Variants in GATAD1 observed in about 807,000 individuals in gnomAD.
GATAD1 encodes the protein GATA zinc finger domain containing 1, also known as GATA zinc finger domain-containing protein 1.
A neutral mutation model predicts 26.5 loss-of-function variants in GATAD1; 12 were observed. That is an observed-to-expected ratio of 0.45 (90% CI 0.29 to 0.73). The LOEUF is 0.73. Among genes scored for constraint, GATAD1 ranks in the 30% least tolerant of loss-of-function variants. GATAD1 has a pLI of 0.10. For missense variants in GATAD1, 266 were observed against 342.1 expected (o/e 0.78, Z 1.75); for synonymous variants, 129 against 133.1 (o/e 0.97, Z 0.21).
chr7:92,455,090 CAT>C (rs1291533520), intron 4 of GATAD1, among the ~76,000 whole-genome samples: 2 of 149,954 alleles, frequency 1.3e-5, no homozygotes, highest in African/African-American at 2.5e-5. Flanking sequence ...AGGGCTTCAA[CAT>C]ATAAATTTGG....
At chr7:92,475,339 T>C in the GATAD1 span, 2 of 151,748 alleles carry the variant, frequency 1.3e-5, no homozygotes, top group African/African-American at 4.8e-5. Context: ...CCAGCAACCC[T>C]AGTCATTTTC....
At chr7:92,461,604 A>T (rs1789924455), downstream of GATAD1, among the ~76,000 whole-genome samples, 1 of 152,232 alleles carries the variant, frequency 6.6e-6, no homozygotes, top group Non-Finnish European at 1.5e-5. Flanking sequence ...ACATTTTTTA[A>T]ATCAAAAAGT....
At chr7:92,471,869 G>A in the GATAD1 span, 1 of 152,308 alleles carries the variant, frequency 6.6e-6, no homozygotes, top group East Asian at 1.9e-4. Flanking sequence ...CATATTTAGA[G>A]TCTGTATATA....
At chr7:92,486,162 C>T in the GATAD1 span, among the ~76,000 whole-genome samples, 2 of 152,342 alleles carry the variant, frequency 1.3e-5, no homozygotes, top group Admixed American at 1.3e-4. Context: ...TGACAGCCTA[C>T]TTGTCAGCAG....
intron 3 of GATAD1, among the ~76,000 whole-genome samples, chr7:92,451,189 G>A (rs1789414709): frequency 6.6e-6 from 1 of 152,160 alleles, no homozygotes; most frequent in South Asian, 2.1e-4. Context: ...ATGCCTTTAA[G>A]TGGAGTTGAG....
In GATAD1 at chr7:92,456,732, T is replaced by C; in HGVS notation, c.*170T>C. ...CTAATATTCTTAGTACCACAAGATA[T>C]GTCATAGGTATCTTTAAATGAAATT... On this transcript the variant is annotated 3_prime_UTR_variant, in exon 5 of 5. Transcript: ENST00000287957. 4.0e-6 allele frequency: 2 copies of C among 498,408 alleles called. No individual in the cohort carries two copies. Among genetic ancestry groups the C allele is most frequent in the South Asian group, 3.9e-5 (1 of 25,960 alleles). The allele number at this position is 498,408 out of a possible 1,614,324, so 30.9% of individuals were successfully genotyped here.
Position 92,458,482 on chromosome 7 carries a change from C to G in GATAD1, c.*1920C>G, listed in dbSNP as rs1370736040. On this transcript the variant is annotated 3_prime_UTR_variant, in exon 5 of 5. Transcript: ENST00000287957. ...AGAGGCCTGTTGTATATGAAATTGTCTAGAATTCAGGTGCAGGTCTTTGCC... is the reference window on the plus strand; with the variant it reads ...AGAGGCCTGTTGTATATGAAATTGTGTAGAATTCAGGTGCAGGTCTTTGCC... 6.6e-6 allele frequency: 1 copy of G among 152,162 alleles called. No individual in the cohort carries two copies. The highest frequency in any genetic ancestry group is 1.5e-5 in the Non-Finnish European group (1 of 68,032). 9.4% of individuals were successfully genotyped at this position (152,162 alleles called of 1,614,324 possible). A position where few individuals can be genotyped will look rare whatever the true frequency, so the allele number is the denominator to read the frequency against.
chr7:92,450,902 T>G lies in GATAD1; in HGVS notation c.435+142T>G, dbSNP rs1036222691. The G allele has an allele frequency of 6.1e-5, 35 of 576,270 alleles. No homozygotes were observed. In the African/African-American group the frequency reaches 6.7e-4, roughly 11 times the overall value. 35.7% of individuals were successfully genotyped at this position (576,270 alleles called of 1,614,324 possible). On this transcript the variant is annotated intron_variant, in intron 3 of 4. Coordinates refer to ENST00000287957, the MANE Select transcript of GATAD1 (RefSeq NM_021167.5). ...ACTTTTTGTTCCCTTCTTAGCTGTT[T>G]TCCCCCATAAGTGGCTGTTATTAAA...
At chr7:92,449,783 G>A (rs1006570735) in intron 2 of GATAD1, 2 of 182,512 alleles carry the variant, frequency 1.1e-5, no homozygotes, top group Non-Finnish European at 2.1e-5. Flanking sequence ...TGCCATGGTG[G>A]TTTGCTGCAC....
intron 2 of GATAD1, chr7:92,449,141 T>A: frequency 8.7e-7 from 1 of 1,147,170 alleles, no homozygotes; most frequent in Non-Finnish European, 1.1e-6. Context: ...AAAAGAAACA[T>A]CAACCTTGAG....
Position 92,458,846 on chromosome 7 carries a change from G to T in GATAD1, c.*2284G>T, listed in dbSNP as rs1449920522. 1 of 152,140 alleles carries T rather than the reference G, an allele frequency of 6.6e-6. No homozygotes were observed. The highest frequency in any genetic ancestry group is 2.4e-5 in the African/African-American group (1 of 41,418). 9.4% of individuals were successfully genotyped at this position (152,140 alleles called of 1,614,324 possible). ...TATTTTTCACCGTGCATTTACTTTG[G>T]ATGTATTTATTTCATTTAAACAATT... On this transcript the variant is annotated 3_prime_UTR_variant, in exon 5 of 5. Coordinates refer to ENST00000287957, the MANE Select transcript of GATAD1 (RefSeq NM_021167.5).
chr7:92,489,666 A>C, the GATAD1 span: 1 of 1,541,848 alleles, frequency 6.5e-7, no homozygotes, highest in Non-Finnish European at 9.0e-7. Context: ...AGGGTGAAAC[A>C]ATTTTTAAGA....
the GATAD1 span, among the ~76,000 whole-genome samples, chr7:92,482,367 G>T: frequency 6.6e-6 from 1 of 152,202 alleles, no homozygotes; most frequent in Non-Finnish European, 1.5e-5. Context: ...AAACAATTTG[G>T]TTGATAAGGT....
At chr7:92,462,327 G>A (rs1789948133), downstream of GATAD1, among the ~76,000 whole-genome samples, 1 of 150,762 alleles carries the variant, frequency 6.6e-6, no homozygotes, top group East Asian at 1.9e-4. Flanking sequence ...AAAATGTTTA[G>A]TGTAAAACCT....
At chr7:92,485,264 G>A in the GATAD1 span, among the ~76,000 whole-genome samples, 5 of 152,316 alleles carry the variant, frequency 3.3e-5, no homozygotes, top group South Asian at 1.0e-3. Context: ...CTTGGGCTCA[G>A]AGGCCTGACA....
chr7:92,465,985 C>A, the GATAD1 span, among the ~76,000 whole-genome samples: 2 of 152,104 alleles, frequency 1.3e-5, no homozygotes, highest in African/African-American at 4.8e-5. Flanking sequence ...TCTGGGCCGA[C>A]AGAGTGAGAC....
the GATAD1 span, chr7:92,471,390 C>G: frequency 6.6e-6 from 1 of 152,626 alleles, no homozygotes; most frequent in Admixed American, 6.5e-5. Flanking sequence ...AATGATTTGG[C>G]CATCTGATGG....
At chr7:92,448,952 A>T in intron 2 of GATAD1, 75 bp downstream of exon 2, 1 of 1,449,436 alleles carries the variant, frequency 6.9e-7, no homozygotes, top group East Asian at 2.3e-5. Flanking sequence ...ATTTCTCACC[A>T]TTGAACTTGG....
chr7:92,454,512 A>T lies in GATAD1; in HGVS notation c.446A>T (p.Tyr149Phe). Residue 149 changes from tyrosine to phenylalanine, a missense_variant, in exon 4 of 5, where the codon TAC becomes TTC. Physicochemically the swap from Tyr to Phe is conservative, Grantham distance 22 (BLOSUM62 3). Coordinates refer to ENST00000287957, the MANE Select transcript of GATAD1 (RefSeq NM_021167.5). The stretch of plus-strand genomic sequence containing the variant: ...TTCTGTTTCCCCCAGGGAGTATATT[A>T]CCAAATTGGTGATGTTGTTTCTGTG... ...AESIFYKGVY[Y>F]QIGDVVSVID... 1 of 1,608,168 alleles carries T rather than the reference A, an allele frequency of 6.2e-7. No homozygotes were observed. Among genetic ancestry groups the T allele is most frequent in the Non-Finnish European group, 8.5e-7 (1 of 1,174,610 alleles).
Sources: gnomAD v4.1 joint callset for allele counts (sites outside exome capture counted in the v4.1 genomes callset) on GRCh38, gnomAD v4.1.1 for gene constraint, MANE v1.5 for transcripts, NCBI Gene and HGNC (gene_info 2026-07-23, HGNC 2026-07-21) for gene names.